The following PPA2 variants were observed in gnomAD, a reference collection of about 807,000 sequenced individuals.
PPA2 encodes inorganic pyrophosphatase 2, mitochondrial.
Under a neutral mutation model 49.5 loss-of-function variants are expected in PPA2, and 48 were observed. The observed-to-expected ratio is 0.97, with a 90% CI of 0.77 to 1.23. PPA2 has a LOEUF of 1.23. Ranked by LOEUF, PPA2 falls within the 50% of genes most tolerant of loss-of-function variation. The probability of loss-of-function intolerance (pLI) is 0.00; values close to 1 mark genes in which losing one functional copy is unlikely to be tolerated. For synonymous variants in PPA2, 131 were observed against 139.9 expected (o/e 0.94, Z 0.45); for missense variants, 429 against 410.1 (o/e 1.05, Z -0.40).
At chr4:105,406,826 G>A (rs1219063575) in intron 7 of PPA2, among the ~76,000 whole-genome samples, 5 of 152,130 alleles carry the variant, frequency 3.3e-5, no homozygotes, top group African/African-American at 7.2e-5. Context: ...GGGGTCAACT[G>A]TATATGAGGT....
intron 5 of PPA2, among the ~76,000 whole-genome samples, chr4:105,442,545 G>C (rs1724417752): frequency 6.6e-6 from 1 of 152,122 alleles, no homozygotes; most frequent in South Asian, 2.1e-4. Context: ...TTCCAGACAG[G>C]TATTCTAAAT....
At chr4:105,378,668 G>C (rs2110364974) in intron 10 of PPA2, among the ~76,000 whole-genome samples, 1 of 152,164 alleles carries the variant, frequency 6.6e-6, no homozygotes, top group African/African-American at 2.4e-5. Flanking sequence ...CTAACCCAAA[G>C]TCAAAATAGG....
intron 6 of PPA2, among the ~76,000 whole-genome samples, chr4:105,433,560 G>A (rs1406528062): frequency 6.6e-6 from 1 of 152,202 alleles, no homozygotes; most frequent in Non-Finnish European, 1.5e-5. Flanking sequence ...GCTGCTCTTT[G>A]TGCATGCCTC....
intron 10 of PPA2, among the ~76,000 whole-genome samples, chr4:105,383,796 G>C (rs1353603272): frequency 1.3e-5 from 2 of 151,684 alleles, no homozygotes; most frequent in South Asian, 2.1e-4. Flanking sequence ...ACAAATTTTG[G>C]GTCTTCTAAT....
At chr4:105,385,463 T>G (rs1429689387) in intron 10 of PPA2, among the ~76,000 whole-genome samples, 1 of 147,812 alleles carries the variant, frequency 6.8e-6, no homozygotes, top group Non-Finnish European at 1.5e-5. Context: ...AAAAAAACAA[T>G]AAATTAAAAG....
At chr4:105,459,803 C>T (rs28415199) in intron 1 of PPA2, among the ~76,000 whole-genome samples, 345 of 152,182 alleles carry the variant, frequency 2.3e-3, no homozygotes, top group Non-Finnish European at 3.8e-3. Flanking sequence ...CTGTATCAAG[C>T]GAAAGAAGCT....
chr4:105,432,218 T>C (rs1723839142), intron 6 of PPA2, among the ~76,000 whole-genome samples: 1 of 152,232 alleles, frequency 6.6e-6, no homozygotes, highest in African/African-American at 2.4e-5. Context: ...AACTATGTTA[T>C]CATTAAGTGA....
chr4:105,444,853 C>A (rs898248780), intron 5 of PPA2, among the ~76,000 whole-genome samples: 3 of 152,132 alleles, frequency 2.0e-5, no homozygotes, highest in Non-Finnish European at 2.9e-5. Flanking sequence ...TTAATTATAA[C>A]AATAATTGAT....
At chr4:105,419,430 T>G (rs1174238596) in intron 7 of PPA2, among the ~76,000 whole-genome samples, 1 of 152,198 alleles carries the variant, frequency 6.6e-6, no homozygotes, top group African/African-American at 2.4e-5. Flanking sequence ...TTAATGAGCC[T>G]GCTGAAGTGA....
intron 8 of PPA2, among the ~76,000 whole-genome samples, chr4:105,397,749 C>T (rs573596998): frequency 4.5e-4 from 68 of 152,228 alleles, no homozygotes; most frequent in African/African-American, 1.5e-3. Context: ...AGCCTGGGCA[C>T]CTTCCACCTC....
chr4:105,374,278 G>A (rs973976991), intron 10 of PPA2, among the ~76,000 whole-genome samples: 24 of 152,162 alleles, frequency 1.6e-4, no homozygotes, highest in African/African-American at 4.3e-4. Context: ...CTACTTCCAC[G>A]GCTGGGTGTG....
In PPA2 at chr4:105,424,220, C is replaced by T; in HGVS notation, c.631G>A (p.Asp211Asn). Residue 211 changes from aspartate to asparagine, a missense_variant, in exon 7 of 12, where the codon GAT (aspartate) becomes AAT (asparagine). By Grantham distance (23) the Asp-to-Asn change is conservative (BLOSUM62 1). Coordinates refer to ENST00000341695, the MANE Select transcript of PPA2 (RefSeq NM_176869.3). ...DWKLIAINAN[D>N]PEASKFHDID... ...CCATGAAACTTTGAGGCTTCAGGAT[C>T]ATTCGCATTGATAGCAATTAATTTC... 2 of 1,607,636 alleles carry T rather than the reference C, an allele frequency of 1.2e-6. No individual in the cohort carries two copies. The highest frequency in any genetic ancestry group is 1.7e-6 in the Non-Finnish European group (2 of 1,178,544).
intron 6 of PPA2, among the ~76,000 whole-genome samples, chr4:105,425,602 T>C (rs1275429973): frequency 6.6e-6 from 1 of 151,946 alleles, no homozygotes; most frequent in Non-Finnish European, 1.5e-5. Flanking sequence ...ATCTCATGTA[T>C]AAATGGAATT....
Position 105,369,751 on chromosome 4 carries a change from G to A in PPA2, c.979C>T (p.Gln327Ter), listed in dbSNP as rs751068023. ...SPNKESNEEE[Q>*]VWHFLGK ...CACTTGCCAAGGAAGTGCCACACTTGCTCTGCATTTAAAATGGGGAAAGAG... is the reference window on the plus strand; with the variant it reads ...CACTTGCCAAGGAAGTGCCACACTTACTCTGCATTTAAAATGGGGAAAGAG... The change falls in exon 12 of 12, where the codon CAA becomes TAA. Residue 327 changes from glutamine to a stop codon, truncating the protein, a stop_gained and splice_region_variant. Transcript: ENST00000341695. LOFTEE classifies it high-confidence loss of function. 2.5e-6 allele frequency: 4 copies of A among 1,588,404 alleles called. No homozygotes were observed. The highest frequency in any genetic ancestry group is 3.5e-6 in the Non-Finnish European group (4 of 1,156,702).
chr4:105,440,268 TC>T (rs1486643021), intron 5 of PPA2, among the ~76,000 whole-genome samples: 1 of 151,190 alleles, frequency 6.6e-6, no homozygotes, highest in Non-Finnish European at 1.5e-5. Context: ...TTTTTTTCTT[TC>T]TTTTTTTTTT....
chr4:105,387,420 G>C (rs112953200), intron 9 of PPA2, among the ~76,000 whole-genome samples: 3,111 of 152,130 alleles, frequency 0.02, 49 homozygotes, highest in Middle Eastern at 0.058. Context: ...TAAAATAATA[G>C]GTAAAACACA....
intron 3 of PPA2, among the ~76,000 whole-genome samples, chr4:105,451,728 T>TA (rs1295724728): frequency 2.0e-5 from 3 of 152,224 alleles, no homozygotes; most frequent in Admixed American, 2.0e-4. Flanking sequence ...CACTCACAGA[T>TA]ACTTGAATTA....
At chr4:105,450,601 C>CTTTTTTTTTTTTTTTTTTTTTTTTTTTT (rs575896250) in intron 3 of PPA2, among the ~76,000 whole-genome samples, 4 of 82,666 alleles carry the variant, frequency 4.8e-5, no homozygotes, top group Non-Finnish European at 6.9e-5. Context: ...GTCTGGAATT[C>CTTTTTTTTTTTTTTTTTTTTTTTTTTTT]TTTTTTTTTT....
intron 1 of PPA2, among the ~76,000 whole-genome samples, chr4:105,472,638 T>C (rs966309041): frequency 6.6e-6 from 1 of 152,186 alleles, no homozygotes; most frequent in Admixed American, 6.5e-5. Flanking sequence ...TAACCAAAGA[T>C]AGAAGAAAAT....
Sources: gnomAD v4.1 joint callset for allele counts (sites outside exome capture counted in the v4.1 genomes callset) on GRCh38, gnomAD v4.1.1 for gene constraint, MANE v1.5 for transcripts, NCBI Gene and HGNC (gene_info 2026-07-23, HGNC 2026-07-21) for gene names.